The following EPHX4 variants were observed in gnomAD, a reference collection of about 807,000 sequenced individuals.
The protein encoded by EPHX4 is abhydrolase domain containing 7.
In EPHX4, 31 loss-of-function variants were observed where a neutral mutation model predicts 44.9. That is an observed-to-expected ratio of 0.69 (90% confidence interval 0.52 to 0.93). The LOEUF is 0.93. Ranked by LOEUF, EPHX4 falls within the 40% of genes least tolerant of loss-of-function variation. The pLI is 0.00. For synonymous variants in EPHX4, 151 were observed against 159.7 expected, an observed-to-expected ratio of 0.95 and a Z score of 0.41; for missense variants, 373 against 438.1, an observed-to-expected ratio of 0.85 and a Z score of 1.33.
At chr1:92,043,309 A>G in intron 3 of EPHX4, 1 of 169,086 alleles carries the variant, frequency 5.9e-6, no homozygotes, top group Non-Finnish European at 1.3e-5. Context: ...GTCAGAGTTT[A>G]AGACCAGCCT....
At chr1:92,032,132 C>G (rs1199069387) in intron 1 of EPHX4, among the ~76,000 whole-genome samples, 2 of 152,096 alleles carry the variant, frequency 1.3e-5, no homozygotes, top group Non-Finnish European at 2.9e-5. Flanking sequence ...TGTGACACAT[C>G]AGTAAGATGA....
intron 2 of EPHX4, among the ~76,000 whole-genome samples, chr1:92,034,066 G>A (rs1688400523): frequency 6.9e-6 from 1 of 145,094 alleles, no homozygotes; most frequent in South Asian, 2.3e-4. Context: ...GCCGAGGCGG[G>A]TGGATCACGA....
intron 5 of EPHX4, 28 bp from the exon 6 acceptor site, chr1:92,052,482 T>G (rs1647279873): frequency 6.4e-7 from 1 of 1,559,568 alleles, no homozygotes; most frequent in African/African-American, 1.4e-5. Flanking sequence ...CAAAAAAGTT[T>G]TAATTATTGT....
intron 4 of EPHX4, among the ~76,000 whole-genome samples, chr1:92,047,130 C>T (rs1438430806): frequency 6.6e-6 from 1 of 152,184 alleles, no homozygotes; most frequent in Non-Finnish European, 1.5e-5. Flanking sequence ...TGATTGTTTT[C>T]CTTGACATGA....
At chr1:92,042,724 CAAAAAA>C (rs66834073) in intron 2 of EPHX4, 93 bp from the exon 3 acceptor site, 112 of 690,588 alleles carry the variant, frequency 1.6e-4, no homozygotes, top group African/African-American at 1.1e-3. Flanking sequence ...AACTCTGTCT[CAAAAAA>C]AAAAAAAAAA....
At chr1:92,033,685 C>T (rs1052360068) in intron 2 of EPHX4, among the ~76,000 whole-genome samples, 3 of 152,120 alleles carry the variant, frequency 2.0e-5, no homozygotes, top group African/African-American at 7.2e-5. Flanking sequence ...TTACTATCTT[C>T]GTTCATTTTT....
intron 1 of EPHX4, 65 bp downstream of exon 1, chr1:92,030,375 C>T: frequency 7.3e-7 from 1 of 1,368,210 alleles, no homozygotes; most frequent in Non-Finnish European, 9.6e-7. Flanking sequence ...GTGGGGGGCT[C>T]CGGGCTTCTC....
intron 4 of EPHX4, 58 bp from the exon 5 acceptor site, chr1:92,050,259 C>T: frequency 9.2e-7 from 1 of 1,082,990 alleles, no homozygotes; most frequent in Non-Finnish European, 1.4e-6. Flanking sequence ...AGAAGTTCTT[C>T]TAACAGTAAG....
intron 6 of EPHX4, among the ~76,000 whole-genome samples, chr1:92,059,611 CAAAATT>C (rs1294936127): frequency 1.3e-5 from 2 of 152,010 alleles, no homozygotes; most frequent in East Asian, 3.9e-4. Flanking sequence ...GAAAAATTAT[CAAAATT>C]AAAACAGCTC....
intron 4 of EPHX4, among the ~76,000 whole-genome samples, chr1:92,047,142 A>G (rs1014748911): frequency 1.3e-5 from 2 of 152,248 alleles, no homozygotes; most frequent in Non-Finnish European, 2.9e-5. Context: ...TTGACATGAT[A>G]GGCTCACTTT....
chr1:92,062,352 G>A (rs1307716205), intron 6 of EPHX4, among the ~76,000 whole-genome samples: 1 of 151,818 alleles, frequency 6.6e-6, no homozygotes, highest in Non-Finnish European at 1.5e-5. Flanking sequence ...TTGGGAGGCC[G>A]AGGCGGGTGG....
At chr1:92,061,251 T>A (rs1647489164) in intron 6 of EPHX4, among the ~76,000 whole-genome samples, 1 of 152,200 alleles carries the variant, frequency 6.6e-6, no homozygotes, top group South Asian at 2.1e-4. Context: ...TTACAAAGAA[T>A]TTAATTTTTA....
At chr1:92,034,463 G>A (rs926510827) in intron 2 of EPHX4, among the ~76,000 whole-genome samples, 4 of 151,928 alleles carry the variant, frequency 2.6e-5, no homozygotes, top group African/African-American at 9.7e-5. Flanking sequence ...GGAATATCTG[G>A]TATATTTTGA....
chr1:92,029,995 A>T lies in EPHX4; in HGVS notation c.-85A>T. 1.1e-6 allele frequency: 1 copy of T among 938,092 alleles called. No individual in the cohort carries two copies. Among genetic ancestry groups the T allele is most frequent in the Non-Finnish European group, 1.4e-6 (1 of 719,882 alleles). 58.1% of individuals were successfully genotyped at this position (938,092 alleles called of 1,614,324 possible). On this transcript the variant is annotated 5_prime_UTR_variant, in exon 1 of 7. Coordinates refer to ENST00000370383, the MANE Select transcript of EPHX4 (RefSeq NM_173567.5). ...CGGGCCGGGGGAGGCGCGCGTCGAG[A>T]GGCGACGGCGGGCTGGCCTGGCGCG...
chr1:92,033,997 C>CTTTTTTTTTTTTTTTTTTTTTTTTTTTT (rs36075635), intron 2 of EPHX4, among the ~76,000 whole-genome samples: 1 of 109,156 alleles, frequency 9.2e-6, no homozygotes, highest in African/African-American at 3.4e-5. Context: ...CATGTTTAAA[C>CTTTTTTTTTTTTTTTTTTTTTTTTTTTT]TTTTTTTTTT....
intron 6 of EPHX4, among the ~76,000 whole-genome samples, chr1:92,059,759 ACT>A (rs917325587): frequency 6.6e-6 from 1 of 152,158 alleles, no homozygotes; most frequent in Non-Finnish European, 1.5e-5. Context: ...TATAGGAATG[ACT>A]CTAACAAAAG....
chr1:92,051,816 AG>A (rs994806193), intron 5 of EPHX4, among the ~76,000 whole-genome samples: 1 of 152,234 alleles, frequency 6.6e-6, no homozygotes, highest in African/African-American at 2.4e-5. Flanking sequence ...ATCATAGCCT[AG>A]GCCCATTATT....
At chr1:92,039,850 C>T (rs1037654280) in intron 2 of EPHX4, among the ~76,000 whole-genome samples, 1 of 152,100 alleles carries the variant, frequency 6.6e-6, no homozygotes, top group South Asian at 2.1e-4. Context: ...GACGTGGTTT[C>T]ACCATGTTGG....
At chr1:92,057,052 A>G (rs2101875504) in intron 6 of EPHX4, among the ~76,000 whole-genome samples, 1 of 152,302 alleles carries the variant, frequency 6.6e-6, no homozygotes, top group Non-Finnish European at 1.5e-5. Flanking sequence ...ATACTTAAGA[A>G]GAAATACATA....
Sources: gnomAD v4.1 joint callset for allele counts (sites outside exome capture counted in the v4.1 genomes callset) on GRCh38, gnomAD v4.1.1 for gene constraint, MANE v1.5 for transcripts, NCBI Gene and HGNC (gene_info 2026-07-23, HGNC 2026-07-21) for gene names.